SPATC1L: variants seen among roughly 807,000 people sequenced by gnomAD.
SPATC1L encodes spermatogenesis and centriole associated 1 like.
In SPATC1L, 20 loss-of-function variants were observed where a neutral mutation model predicts 21.2. The observed-to-expected ratio is 0.94, with a 90% CI of 0.66 to 1.37. SPATC1L has a LOEUF of 1.37. Ranked by LOEUF, SPATC1L falls within the 40% of genes most tolerant of loss-of-function variation. SPATC1L has a pLI of 0.00. For synonymous variants in SPATC1L, 290 were observed against 234.5 expected (o/e 1.24, Z -2.16); for missense variants, 499 against 478.7 (o/e 1.04, Z -0.40).
Position 46,168,289 on chromosome 21 carries a change from C to T in SPATC1L, c.544+19G>A. 4.6e-6 allele frequency: 7 copies of T among 1,530,820 alleles called. No individual in the cohort carries two copies. Among genetic ancestry groups the T allele is most frequent in the Non-Finnish European group, 6.2e-6 (7 of 1,128,556 alleles). 94.8% of individuals were successfully genotyped at this position (1,530,820 alleles called of 1,614,324 possible). ...CCTGCACTGGGGGCCCCCCCAGGTG[C>T]CCCCGCACCCGGCCATACCATTGAG... On this transcript the variant is annotated intron_variant, in intron 3 of 4. Transcript: ENST00000291672.
chr21:46,161,722 T>A lies in SPATC1L; in HGVS notation c.697-17A>T. 5 of 1,560,742 alleles carry A rather than the reference T, an allele frequency of 3.2e-6. No homozygotes were observed. The highest frequency in any genetic ancestry group is 4.3e-6 in the Non-Finnish European group (5 of 1,152,022). The stretch of plus-strand genomic sequence containing the variant: ...GGTGGAGGTCTGCGGGCGCAGCGCA[T>A]GGATGGGGGTGGGGGGCTCGGGGCC... On this transcript the variant is annotated splice_polypyrimidine_tract_variant and intron_variant, in intron 4 of 4. Coordinates refer to ENST00000291672, the MANE Select transcript of SPATC1L (RefSeq NM_001142854.2).
chr21:46,177,781 A>G (rs189661406), intron 2 of SPATC1L, among the ~76,000 whole-genome samples: 13 of 152,342 alleles, frequency 8.5e-5, no homozygotes, highest in Admixed American at 5.9e-4. Context: ...ACCCAAAGGA[A>G]TATAAATCAT....
intron 2 of SPATC1L, among the ~76,000 whole-genome samples, chr21:46,170,800 G>A (rs1324011111): frequency 1.8e-5 from 2 of 112,362 alleles, no homozygotes; most frequent in Non-Finnish European, 3.4e-5. Context: ...GGAGCCCTCT[G>A]CTCTCTGAAC....
chr21:46,161,723 G>A lies in SPATC1L; in HGVS notation c.697-18C>T, dbSNP rs1374551417. On this transcript the variant is annotated intron_variant, in intron 4 of 4. Transcript: ENST00000291672. The stretch of plus-strand genomic sequence containing the variant: ...GTGGAGGTCTGCGGGCGCAGCGCAT[G>A]GATGGGGGTGGGGGGCTCGGGGCCC... 1 of 1,567,120 alleles carries A rather than the reference G, an allele frequency of 6.4e-7. No individual in the cohort carries two copies. Among genetic ancestry groups the A allele is most frequent in the Non-Finnish European group, 8.6e-7 (1 of 1,156,338 alleles).
Position 46,161,294 on chromosome 21 carries a change from C to T in SPATC1L, c.*85G>A. On this transcript the variant is annotated 3_prime_UTR_variant, in exon 5 of 5. Coordinates refer to ENST00000291672, the MANE Select transcript of SPATC1L (RefSeq NM_001142854.2). ...CGCGCGGGGGACGCGGCCCTTTCCC[C>T]TCCGGGGGGACGCGCAGGAGGCACC... 3 of 1,325,060 alleles carry T rather than the reference C, an allele frequency of 2.3e-6. No individual in the cohort carries two copies. Among genetic ancestry groups the T allele is most frequent in the South Asian group, 1.6e-5 (1 of 63,382 alleles). 82.1% of individuals were successfully genotyped at this position (1,325,060 alleles called of 1,614,324 possible). A position where few individuals can be genotyped will look rare whatever the true frequency, so the allele number is the denominator to read the frequency against.
chr21:46,166,515 C>A (rs2079541228), intron 3 of SPATC1L, among the ~76,000 whole-genome samples: 1 of 151,764 alleles, frequency 6.6e-6, no homozygotes, highest in African/African-American at 2.4e-5. Context: ...CAAGACCCAA[C>A]CATCTGCTGC....
Position 46,168,431 on chromosome 21 carries a change from G to T in SPATC1L, c.421C>A (p.Gln141Lys), listed in dbSNP as rs764161851. 16 of 1,611,768 alleles carry T rather than the reference G, an allele frequency of 9.9e-6. No homozygotes were observed. Among genetic ancestry groups the T allele is most frequent in the African/African-American group, 1.3e-5 (1 of 74,848 alleles). ...AGGGTCTTGTCCACCAGTGAGTCTT[G>T]CAAGGGGCTCAGGAGCGGGGACAGC... ...RKLSPLLSPL[Q>K]DSLVDKTLLE... Residue 141 changes from glutamine (Q) to lysine (K), a missense_variant, in exon 3 of 5, where the codon CAA becomes AAA. Physicochemically the swap from Gln to Lys is moderately conservative, Grantham distance 53. Transcript: ENST00000291672.
Position 46,179,681 on chromosome 21 carries a change from A to C in SPATC1L, c.193+2943T>G, listed in dbSNP as rs780368095. Among the ~76,000 whole-genome samples, 23 of 152,180 alleles carry C rather than the reference A, an allele frequency of 1.5e-4. No individual in the cohort carries two copies. In the East Asian group the frequency reaches 1.9e-3, roughly 13 times the overall value. On this transcript the variant is annotated intron_variant, in intron 2 of 4. Coordinates refer to ENST00000291672, the MANE Select transcript of SPATC1L (RefSeq NM_001142854.2). ...GAAATCATCTGACAATCCACCACCA[A>C]CAACTAGGGAGCGAGTGGGCAATCT...
intron 2 of SPATC1L, among the ~76,000 whole-genome samples, chr21:46,180,822 C>G (rs906904161): frequency 6.6e-6 from 1 of 152,192 alleles, no homozygotes; most frequent in Non-Finnish European, 1.5e-5. Context: ...GTGGCGGGGG[C>G]TCCAAGGCCC....
chr21:46,179,558 C>T (rs1331129084), intron 2 of SPATC1L, among the ~76,000 whole-genome samples: 3 of 152,196 alleles, frequency 2.0e-5, no homozygotes, highest in African/African-American at 7.2e-5. Context: ...ATTGCAGGGC[C>T]ATTTTAAAGT....
In SPATC1L at chr21:46,161,541, C is replaced by T. The variant is rs1568994938; in HGVS notation, c.861G>A (p.Gln287=). The change falls in exon 5 of 5, where the codon CAG becomes CAA. Residue 287 remains glutamine (Q), a synonymous_variant. Transcript: ENST00000291672. ...FLINTYGILK[Q]RPDLRANPLH... ...GGGGGTTGGCGCGCAGGTCGGGCCG[C>T]TGCTTCAGGATTCCGTAGGTGTTGA... 1 of 1,610,616 alleles carries T rather than the reference C, an allele frequency of 6.2e-7. No homozygotes were observed. Among genetic ancestry groups the T allele is most frequent in the South Asian group, 1.1e-5 (1 of 90,816 alleles).
intron 3 of SPATC1L, among the ~76,000 whole-genome samples, chr21:46,165,023 C>T (rs2079530735): frequency 6.6e-6 from 1 of 152,032 alleles, no homozygotes; most frequent in Non-Finnish European, 1.5e-5. Flanking sequence ...AGAAAGAAGA[C>T]AAAAATTACC....
At chr21:46,164,002 A>T (rs28611479) in intron 3 of SPATC1L, among the ~76,000 whole-genome samples, 15,890 of 151,760 alleles carry the variant, frequency 0.1, 1,444 homozygotes, top group African/African-American at 0.25. Context: ...TTATTTATTT[A>T]TTGTTTGTTT....
chr21:46,161,859 C>CA, intron 4 of SPATC1L, 57 bp downstream of exon 4: 1 of 1,577,962 alleles, frequency 6.3e-7, no homozygotes. Context: ...GGGGGCCGCA[C>CA]AGGGACGGAC....
chr21:46,161,983 T>C lies in SPATC1L; in HGVS notation c.629A>G (p.Tyr210Cys), dbSNP rs752185329. ...GAGCCGCGTCACGCCCGGGAACACGTAGGCCAGGATGCGGCGGTCCAGCTG... is the reference window on the plus strand; with the variant it reads ...GAGCCGCGTCACGCCCGGGAACACGCAGGCCAGGATGCGGCGGTCCAGCTG... ...AFQLDRRILAYVFPGVTRLYG... is the reference protein window; with the variant it reads ...AFQLDRRILACVFPGVTRLYG... Residue 210 changes from tyrosine (Y) to cysteine (C), a missense_variant, in exon 4 of 5, where the codon TAC becomes TGC. Tyr to Cys is a radical substitution (Grantham distance 194). Coordinates refer to ENST00000291672, the MANE Select transcript of SPATC1L (RefSeq NM_001142854.2). 4.4e-6 allele frequency: 7 copies of C among 1,606,842 alleles called. No homozygotes were observed. In the East Asian group the frequency reaches 1.3e-4, roughly 31 times the overall value.
intron 2 of SPATC1L, among the ~76,000 whole-genome samples, chr21:46,173,134 T>A (rs558239248): frequency 6.6e-6 from 1 of 152,344 alleles, no homozygotes; most frequent in Admixed American, 6.5e-5. Context: ...CAGGAGACTT[T>A]GGACCTAGGG....
At chr21:46,162,274 G>T (rs1003398500) in intron 3 of SPATC1L, among the ~76,000 whole-genome samples, 3 of 152,148 alleles carry the variant, frequency 2.0e-5, no homozygotes, top group Admixed American at 6.5e-5. Context: ...CCCTGTCCTC[G>T]GCTCCCTTCT....
At chr21:46,180,950 C>T (rs1300674753) in intron 2 of SPATC1L, among the ~76,000 whole-genome samples, 2 of 152,218 alleles carry the variant, frequency 1.3e-5, no homozygotes, top group Non-Finnish European at 2.9e-5. Flanking sequence ...ATGGAGACCC[C>T]GCCCGGACTC....
At chr21:46,178,693 C>T (rs958701774) in intron 2 of SPATC1L, among the ~76,000 whole-genome samples, 13 of 152,130 alleles carry the variant, frequency 8.5e-5, no homozygotes, top group African/African-American at 3.1e-4. Context: ...CCAAGATCAG[C>T]CTAGCCAACA....
Sources: gnomAD v4.1 joint callset for allele counts (sites outside exome capture counted in the v4.1 genomes callset) on GRCh38, gnomAD v4.1.1 for gene constraint, MANE v1.5 for transcripts, NCBI Gene and HGNC (gene_info 2026-07-23, HGNC 2026-07-21) for gene names.